Variants in PPM1E observed in about 807,000 individuals in gnomAD.
The protein encoded by PPM1E is protein phosphatase 1E.
PPM1E carries 20 observed loss-of-function variants against 65.9 expected under a neutral mutation model. The ratio of observed to expected loss-of-function variants is 0.30; its 90% CI spans 0.21 to 0.44. The LOEUF (loss-of-function observed/expected upper bound fraction) is 0.44, where lower values mean the gene tolerates loss of function less well. PPM1E is among the 20% of genes least tolerant of loss of function. The pLI is 1.00. For synonymous variants in PPM1E, 352 were observed against 374.9 expected (o/e 0.94, Z 0.70); for missense variants, 713 against 953.1 (o/e 0.75, Z 3.32).
intron 1 of PPM1E, among the ~76,000 whole-genome samples, chr17:58,759,089 C>T (rs893080125): frequency 6.6e-6 from 1 of 151,912 alleles, no homozygotes; most frequent in East Asian, 1.9e-4. Context: ...TCCACTCCCC[C>T]ACCAAAATAA....
At position 58,983,655 on chromosome 17, in the gene PPM1E, A is replaced by G. The variant is rs1192055610; in HGVS notation, c.*2624A>G. On this transcript the variant is annotated 3_prime_UTR_variant, in exon 7 of 7. Coordinates refer to ENST00000308249, the MANE Select transcript of PPM1E (RefSeq NM_014906.5). ...ATCTATATAATATCTATAAACTGTT[A>G]ATGCTGAGGTATAGTCTGTGAATTA... 2 of 152,618 alleles carry G rather than the reference A, an allele frequency of 1.3e-5. No individual in the cohort carries two copies. The highest frequency in any genetic ancestry group is 4.8e-5 in the African/African-American group (2 of 41,440). The allele number at this position is 152,618 out of a possible 1,614,324, so 9.5% of individuals were successfully genotyped here. A position where few individuals can be genotyped will look rare whatever the true frequency, so the allele number is the denominator to read the frequency against.
Position 58,756,407 on chromosome 17 carries a change from G to C in PPM1E, c.410G>C (p.Arg137Pro). The C allele has an allele frequency of 7.4e-7, 1 of 1,358,252 alleles. No homozygotes were observed. The highest frequency in any genetic ancestry group is 9.4e-7 in the Non-Finnish European group (1 of 1,058,942). 84.1% of individuals were successfully genotyped at this position (1,358,252 alleles called of 1,614,324 possible). The change falls in exon 1 of 7, where the codon CGC (arginine) becomes CCC (proline). Residue 137 changes from arginine to proline, a missense_variant. By Grantham distance (103) the Arg-to-Pro change is moderately radical (BLOSUM62 -2). Transcript: ENST00000308249. ...CGACCGCTGTCAGAGCGCATCACCC[G>C]CGAGGAGGTGGAGGGCGAAAGCCTG... is the stretch of plus-strand genomic sequence containing the variant. Reference protein sequence around the residue: ...LPRPLSERITREEVEGESLDL... With the variant: ...LPRPLSERITPEEVEGESLDL...
intron 1 of PPM1E, among the ~76,000 whole-genome samples, chr17:58,758,338 AC>A (rs773239705): frequency 6.6e-6 from 1 of 151,744 alleles, no homozygotes; most frequent in Non-Finnish European, 1.5e-5. Flanking sequence ...GACCAGCCTG[AC>A]CAACGTGGTG....
chr17:58,867,319 A>C (rs1173119110), intron 1 of PPM1E, among the ~76,000 whole-genome samples: 2 of 152,194 alleles, frequency 1.3e-5, no homozygotes, highest in Non-Finnish European at 2.9e-5. Context: ...ATGTTACTCA[A>C]AATTGTTACT....
At chr17:58,907,918 TG>T (rs1306450963) in intron 1 of PPM1E, among the ~76,000 whole-genome samples, 2 of 152,224 alleles carry the variant, frequency 1.3e-5, no homozygotes, top group African/African-American at 2.4e-5. Context: ...AGTTGGGTCT[TG>T]TTTTTTTAAT....
intron 1 of PPM1E, among the ~76,000 whole-genome samples, chr17:58,846,340 T>C (rs527518842): frequency 6.6e-6 from 1 of 152,310 alleles, no homozygotes; most frequent in South Asian, 2.1e-4. Context: ...TACATATGTA[T>C]ATGTGTGCCA....
At chr17:58,952,413 A>G (rs2052252007) in intron 1 of PPM1E, among the ~76,000 whole-genome samples, 1 of 152,130 alleles carries the variant, frequency 6.6e-6, no homozygotes, top group Admixed American at 6.5e-5. Context: ...GCATGGGGTC[A>G]TATCCACTGG....
Position 58,932,190 on chromosome 17 carries a change from C to T in PPM1E, c.465-23459C>T, listed in dbSNP as rs112788592. Among the ~76,000 whole-genome samples, 543 of 152,082 alleles carry T rather than the reference C, an allele frequency of 3.6e-3. 3 individuals are homozygous for T. The highest frequency in any genetic ancestry group is 0.012 in the African/African-American group (506 of 41,486). ...GAAGTGCTAAAACTAGCAGGAGGGC[C>T]GTGCGCGGTGGCTCACGCCTGTAAT... On this transcript the variant is annotated intron_variant, in intron 1 of 6. Coordinates refer to ENST00000308249, the MANE Select transcript of PPM1E (RefSeq NM_014906.5).
chr17:58,912,123 G>A (rs1457756582), intron 1 of PPM1E, among the ~76,000 whole-genome samples: 2 of 152,110 alleles, frequency 1.3e-5, no homozygotes, highest in Non-Finnish European at 2.9e-5. Flanking sequence ...GTAAACACAC[G>A]ATTTGCAAGG....
At chr17:58,975,341 C>T (rs1042424040) in intron 6 of PPM1E, among the ~76,000 whole-genome samples, 3 of 152,172 alleles carry the variant, frequency 2.0e-5, no homozygotes, top group African/African-American at 7.2e-5. Flanking sequence ...GGAAGAATGT[C>T]CCTTAATAAG....
At chr17:58,931,325 G>A (rs2051895238) in intron 1 of PPM1E, among the ~76,000 whole-genome samples, 1 of 151,844 alleles carries the variant, frequency 6.6e-6, no homozygotes, top group Non-Finnish European at 1.5e-5. Context: ...GGCGGAGGTT[G>A]CGGTGAGCTG....
intron 1 of PPM1E, among the ~76,000 whole-genome samples, chr17:58,934,315 TTATGTAAAGC>T (rs1567879627): frequency 6.6e-6 from 1 of 152,134 alleles, no homozygotes. Flanking sequence ...GCACAAAAAG[TTATGTAAAGC>T]TATTTACTGA....
At chr17:58,853,604 G>A (rs918293301) in intron 1 of PPM1E, among the ~76,000 whole-genome samples, 6 of 152,140 alleles carry the variant, frequency 3.9e-5, no homozygotes, top group Non-Finnish European at 7.4e-5. Flanking sequence ...GGGATGGGTG[G>A]ATCACCTGAG....
At chr17:58,817,908 C>T (rs1011134066) in intron 1 of PPM1E, among the ~76,000 whole-genome samples, 3 of 152,098 alleles carry the variant, frequency 2.0e-5, no homozygotes, top group Non-Finnish European at 2.9e-5. Context: ...TCCGCCACCA[C>T]GCCCGGTTAA....
intron 1 of PPM1E, among the ~76,000 whole-genome samples, chr17:58,933,725 AGT>A (rs1224461540): frequency 6.6e-6 from 1 of 151,214 alleles, no homozygotes; most frequent in Non-Finnish European, 1.5e-5. Context: ...GAACCTGGAA[AGT>A]GGAGGTTTCA....
intron 1 of PPM1E, among the ~76,000 whole-genome samples, chr17:58,864,095 CACTTGAGCCCAGGAG>C (rs1452452776): frequency 6.6e-6 from 1 of 150,848 alleles, no homozygotes; most frequent in Non-Finnish European, 1.5e-5. Flanking sequence ...ACAGGAGGAT[CACTTGAGCCCAGGAG>C]TTCAAGACCA....
chr17:58,805,961 C>CAAAA (rs71367632), intron 1 of PPM1E, among the ~76,000 whole-genome samples: 5 of 69,828 alleles, frequency 7.2e-5, no homozygotes, highest in Non-Finnish European at 1.4e-4. Flanking sequence ...AAAAAAAAAA[C>CAAAA]AAAAAAAAAA....
At chr17:58,774,122 A>G (rs909469927) in intron 1 of PPM1E, among the ~76,000 whole-genome samples, 2 of 151,452 alleles carry the variant, frequency 1.3e-5, no homozygotes, top group African/African-American at 2.4e-5. Context: ...AGATCGCGCC[A>G]TTGCACTCCA....
At chr17:58,855,843 T>G (rs927568649) in intron 1 of PPM1E, among the ~76,000 whole-genome samples, 1 of 152,196 alleles carries the variant, frequency 6.6e-6, no homozygotes, top group Non-Finnish European at 1.5e-5. Flanking sequence ...TCTTGCTTGA[T>G]GGACATTAGT....
Sources: allele counts gnomAD v4.1 joint callset (sites outside exome capture counted in the v4.1 genomes callset), GRCh38; gene constraint gnomAD v4.1.1; transcripts MANE v1.5; gene names NCBI Gene and HGNC (gene_info 2026-07-23, HGNC 2026-07-21).